KY: variants seen among roughly 807,000 people sequenced by gnomAD.
KY encodes the protein kyphoscoliosis peptidase.
KY carries 43 observed loss-of-function variants against 76.1 expected under a neutral mutation model. The observed-to-expected ratio is 0.57, with a 90% CI of 0.44 to 0.73. The LOEUF (loss-of-function observed/expected upper bound fraction) is 0.73, where lower values mean the gene tolerates loss of function less well. Ranked by LOEUF, KY falls within the 30% of genes least tolerant of loss-of-function variation. The pLI is 0.00. For synonymous variants in KY, 277 were observed against 326.2 expected (o/e 0.85, Z 1.63); for missense variants, 722 against 828.9 (o/e 0.87, Z 1.58).
At chr3:134,640,385 C>T (rs1002287206) in intron 3 of KY, among the ~76,000 whole-genome samples, 1 of 152,132 alleles carries the variant, frequency 6.6e-6, no homozygotes, top group African/African-American at 2.4e-5. Flanking sequence ...ATTTAAATAT[C>T]TTTGAGCTTC....
chr3:134,612,751 CTGTGTG>C lies in KY; in HGVS notation c.711-2374_711-2369del, dbSNP rs35084772. Among the ~76,000 whole-genome samples the C allele has an allele frequency of 2.9e-3, 364 of 125,478 alleles. 1 individual carries two copies. Among genetic ancestry groups the C allele is most frequent in the African/African-American group, 8.5e-3 (277 of 32,632 alleles). The allele number at this position is 125,478 out of a possible 152,430, so 82.3% of individuals were successfully genotyped here. A position where few individuals can be genotyped will look rare whatever the true frequency, so the allele number is the denominator to read the frequency against. ...CAGTCAGCACAATGTCACGCCGATGCTGTGTGTGTGTGTGTGTGTGTGTGTGTGTGT... is the reference window on the plus strand; with the variant it reads ...CAGTCAGCACAATGTCACGCCGATGCTGTGTGTGTGTGTGTGTGTGTGTGT... On this transcript the variant is annotated intron_variant, in intron 8 of 10. Transcript: ENST00000423778.
At position 134,610,390 on chromosome 3, in the gene KY, G is replaced by A; in HGVS notation, c.711-7C>T. 1.2e-6 allele frequency: 2 copies of A among 1,608,748 alleles called. No individual in the cohort carries two copies. Among genetic ancestry groups the A allele is most frequent in the Non-Finnish European group, 1.7e-6 (2 of 1,177,308 alleles). ...ACACTGCACTCCGGCGAGCCTGGGGGCAGGACAGGGGGTCTGAGAGGGGGA... is the reference window on the plus strand; with the variant it reads ...ACACTGCACTCCGGCGAGCCTGGGGACAGGACAGGGGGTCTGAGAGGGGGA... On this transcript the variant is annotated splice_region_variant and splice_polypyrimidine_tract_variant and intron_variant, in intron 8 of 10. Coordinates refer to ENST00000423778, the MANE Select transcript of KY (RefSeq NM_178554.6).
chr3:134,629,615 A>C lies in KY; in HGVS notation c.337+6T>G. On this transcript the variant is annotated splice_donor_region_variant and intron_variant, in intron 4 of 10. Coordinates refer to ENST00000423778, the MANE Select transcript of KY (RefSeq NM_178554.6). ...CCTCCACCATGAGTACCTGTGTCAT[A>C]CATACGTTTAGCCAAGGAGAACTTC... 1 of 1,593,208 alleles carries C rather than the reference A, an allele frequency of 6.3e-7. No individual in the cohort carries two copies. The highest frequency in any genetic ancestry group is 8.6e-7 in the Non-Finnish European group (1 of 1,169,220).
chr3:134,609,217 A>G (rs547338713), intron 9 of KY, among the ~76,000 whole-genome samples: 7 of 152,340 alleles, frequency 4.6e-5, no homozygotes, highest in Admixed American at 3.9e-4. Context: ...CACTGCCTCC[A>G]TCTACCCCAA....
chr3:134,628,148 G>C (rs4245906), intron 4 of KY: 1 of 320,158 alleles, frequency 3.1e-6, no homozygotes, highest in Non-Finnish European at 5.9e-6. Context: ...CTCTTTTGGA[G>C]TTTCCTGCTT....
At chr3:134,636,323 A>G (rs1964962408) in intron 3 of KY, among the ~76,000 whole-genome samples, 1 of 152,206 alleles carries the variant, frequency 6.6e-6, no homozygotes. Context: ...ACAAAGTGCA[A>G]TTCCTCCCAA....
intron 6 of KY, among the ~76,000 whole-genome samples, chr3:134,622,216 C>A (rs1268374642): frequency 6.6e-6 from 1 of 152,114 alleles, no homozygotes; most frequent in African/African-American, 2.4e-5. Flanking sequence ...CCAAGGTACG[C>A]AACCAAAAAA....
chr3:134,627,255 A>G, intron 5 of KY, among the ~76,000 whole-genome samples: 1 of 152,218 alleles, frequency 6.6e-6, no homozygotes, highest in East Asian at 1.9e-4. Flanking sequence ...AAGCAAAACA[A>G]TAGGAAGAAG....
At chr3:134,639,317 C>CA (rs1243202673) in intron 3 of KY, among the ~76,000 whole-genome samples, 1 of 152,050 alleles carries the variant, frequency 6.6e-6, no homozygotes, top group Non-Finnish European at 1.5e-5. Context: ...GGGGTACTGC[C>CA]AAACACAGCA....
intron 7 of KY, among the ~76,000 whole-genome samples, chr3:134,620,230 C>T (rs1294651710): frequency 6.6e-6 from 1 of 152,190 alleles, no homozygotes; most frequent in Non-Finnish European, 1.5e-5. Context: ...GCCCAGGTCC[C>T]TCAGGTGGCT....
At chr3:134,614,232 ACCT>A (rs1392015339) in intron 8 of KY, among the ~76,000 whole-genome samples, 1 of 151,970 alleles carries the variant, frequency 6.6e-6, no homozygotes, top group African/African-American at 2.4e-5. Context: ...AAACATTTCC[ACCT>A]CCTGAAGAGC....
At chr3:134,609,175 G>A (rs1039827389) in intron 9 of KY, among the ~76,000 whole-genome samples, 3 of 152,204 alleles carry the variant, frequency 2.0e-5, no homozygotes, top group Non-Finnish European at 1.5e-5. Flanking sequence ...CAGTGGGGTC[G>A]TGGGAAGGCA....
At position 134,627,337 on chromosome 3, in the gene KY, T is replaced by C. The variant is rs569235145; in HGVS notation, c.400+419A>G. On this transcript the variant is annotated intron_variant, in intron 5 of 10. Coordinates refer to ENST00000423778, the MANE Select transcript of KY (RefSeq NM_178554.6). ...GAAACTGAGGCACAGGGAAGGCAAA[T>C]GAAGGGCAAAAGCAGGATTCCAACC... is the stretch of plus-strand genomic sequence containing the variant. 4.6e-5 allele frequency among the ~76,000 whole-genome samples: 7 copies of C among 152,262 alleles called. No individual in the cohort carries two copies. The East Asian group carries it at 1.3e-3, about 29-fold the overall frequency.
At chr3:134,607,499 C>T (rs1415611938) in intron 10 of KY, 50 of 985,582 alleles carry the variant, frequency 5.1e-5, no homozygotes, top group Non-Finnish European at 5.9e-5. Flanking sequence ...GTGGCAGAGA[C>T]GGTGCCACCA....
Position 134,604,044 on chromosome 3 carries a change from T to C in KY, c.1521A>G (p.Thr507=). 6.2e-7 allele frequency: 1 copy of C among 1,613,994 alleles called. No individual in the cohort carries two copies. The highest frequency in any genetic ancestry group is 8.5e-7 in the Non-Finnish European group (1 of 1,179,860). ...HGDDGPITEE[T]QRRYIFQLHR... The stretch of plus-strand genomic sequence containing the variant: ...GCAGCTGGAAGATGTAGCGCCGCTG[T>C]GTCTCCTCAGTGATGGGGCCATCAT... The change falls in exon 11 of 11, where the codon ACA becomes ACG. Residue 507 remains threonine, a synonymous_variant. Coordinates refer to ENST00000423778, the MANE Select transcript of KY (RefSeq NM_178554.6).
chr3:134,613,091 T>C (rs1250624655), intron 8 of KY: 2 of 154,360 alleles, frequency 1.3e-5, no homozygotes, highest in African/African-American at 4.8e-5. Flanking sequence ...CTGGGAACAA[T>C]GGGGCTTGGA....
At chr3:134,620,977 C>A in intron 6 of KY, 120 bp from the exon 7 acceptor site, 2 of 670,926 alleles carry the variant, frequency 3.0e-6, no homozygotes, top group Non-Finnish European at 5.3e-6. Flanking sequence ...GAGGAGAGGT[C>A]CTGAGGGGCA....
intron 10 of KY, chr3:134,607,945 C>T (rs1024249863): frequency 7.0e-6 from 7 of 996,886 alleles, no homozygotes; most frequent in East Asian, 1.1e-4. Context: ...ACTGTGTCCC[C>T]GCCTCTCCTC....
intron 10 of KY, among the ~76,000 whole-genome samples, chr3:134,605,989 C>A (rs1042042916): frequency 3.3e-5 from 5 of 152,202 alleles, no homozygotes; most frequent in African/African-American, 1.2e-4. Flanking sequence ...CTGCCTTCAG[C>A]CACTGCATGC....
Sources: gnomAD v4.1 joint callset for allele counts (sites outside exome capture counted in the v4.1 genomes callset) on GRCh38, gnomAD v4.1.1 for gene constraint, MANE v1.5 for transcripts, NCBI Gene and HGNC (gene_info 2026-07-23, HGNC 2026-07-21) for gene names.